Variants in GPR137B observed in about 807,000 individuals in gnomAD.
GPR137B encodes the protein G protein-coupled receptor 137B.
A neutral mutation model predicts 42.5 loss-of-function variants in GPR137B; 42 were observed. That is an observed-to-expected ratio of 0.99 (90% confidence interval 0.77 to 1.28). GPR137B has a LOEUF of 1.28. Among genes scored for constraint, GPR137B ranks in the 50% most tolerant of loss-of-function variants. The probability of loss-of-function intolerance (pLI) is 0.00; values close to 1 mark genes in which losing one functional copy is unlikely to be tolerated. For missense variants in GPR137B, 487 were observed against 493.9 expected (o/e 0.99, Z 0.13); for synonymous variants, 218 against 209.7 (o/e 1.04, Z -0.34).
chr1:236,158,927 C>T (rs1489229741), intron 1 of GPR137B, among the ~76,000 whole-genome samples: 1 of 152,158 alleles, frequency 6.6e-6, no homozygotes, highest in Non-Finnish European at 1.5e-5. Flanking sequence ...GAGACACTGC[C>T]TCCAGGGACA....
intron 1 of GPR137B, among the ~76,000 whole-genome samples, chr1:236,151,148 G>A (rs1661848641): frequency 6.6e-6 from 1 of 152,214 alleles, no homozygotes; most frequent in African/African-American, 2.4e-5. Context: ...TCTGGGTCCT[G>A]ACATTTTGGC....
intron 1 of GPR137B, among the ~76,000 whole-genome samples, chr1:236,164,581 C>T (rs983224401): frequency 7.2e-5 from 11 of 152,214 alleles, no homozygotes; most frequent in African/African-American, 2.2e-4. Flanking sequence ...GGACACCCAC[C>T]AGTCTTTAGC....
intron 2 of GPR137B, among the ~76,000 whole-genome samples, chr1:236,170,905 GGTGGAGATTGCAGTGT>G (rs907313076): frequency 6.6e-6 from 1 of 151,698 alleles, no homozygotes; most frequent in Non-Finnish European, 1.5e-5. Flanking sequence ...AAGCCTAAGG[GGTGGAGATTGCAGTGT>G]GTGGAGATCA....
At chr1:236,148,586 T>C (rs10802285) in intron 1 of GPR137B, among the ~76,000 whole-genome samples, 119,493 of 152,134 alleles carry the variant, frequency 0.79, 47,436 homozygotes, top group East Asian at 0.96. Context: ...GACGTCACCA[T>C]GCCTTGGAGG....
intron 5 of GPR137B, 76 bp from the exon 6 acceptor site, chr1:236,205,050 A>T: frequency 8.1e-7 from 1 of 1,236,590 alleles, no homozygotes; most frequent in Non-Finnish European, 1.2e-6. Context: ...AGTCTCCTAC[A>T]AGAAAGAGAT....
Position 236,178,400 on chromosome 1 carries a change from CT to C in GPR137B, c.465-13del. 6.4e-7 allele frequency: 1 copy of C among 1,560,988 alleles called. No homozygotes were observed. The highest frequency in any genetic ancestry group is 8.8e-7 in the Non-Finnish European group (1 of 1,132,790). ...TGGGATGTGCAGCTGACAAGTTGCT[CT>C]CATGCCTTCCAGGTTGCCCCTCTAC... On this transcript the variant is annotated splice_polypyrimidine_tract_variant and intron_variant, in intron 2 of 6. Transcript: ENST00000366592.
chr1:236,169,873 C>T (rs901565236), intron 2 of GPR137B, among the ~76,000 whole-genome samples: 21 of 151,884 alleles, frequency 1.4e-4, no homozygotes, highest in Non-Finnish European at 1.5e-5. Context: ...AACCCTGTCT[C>T]TACTAAAAAT....
chr1:236,201,699 CT>C (rs1663499028), intron 5 of GPR137B, among the ~76,000 whole-genome samples: 2 of 151,992 alleles, frequency 1.3e-5, no homozygotes, highest in Admixed American at 1.3e-4. Context: ...TGGTTTTCAC[CT>C]TTCTCTGGTA....
intron 1 of GPR137B, among the ~76,000 whole-genome samples, chr1:236,154,181 T>C (rs1476128552): frequency 1.3e-5 from 2 of 152,214 alleles, no homozygotes; most frequent in Admixed American, 1.3e-4. Context: ...CGTGTCCTCC[T>C]GGGCCCTGCT....
At chr1:236,143,198 T>G (rs531618743) in intron 1 of GPR137B, among the ~76,000 whole-genome samples, 162 bp downstream of exon 1, 1 of 152,330 alleles carries the variant, frequency 6.6e-6, no homozygotes, top group Admixed American at 6.5e-5. Flanking sequence ...CTGTCCTGTT[T>G]GCGGGCATTT....
In GPR137B at chr1:236,171,866, G is replaced by T. The variant is rs574532695; in HGVS notation, c.464+3111G>T. 1.3e-5 allele frequency among the ~76,000 whole-genome samples: 2 copies of T among 152,156 alleles called. No homozygotes were observed. Among genetic ancestry groups the T allele is most frequent in the East Asian group, 3.9e-4 (2 of 5,174 alleles). On this transcript the variant is annotated intron_variant, in intron 2 of 6. Coordinates refer to ENST00000366592, the MANE Select transcript of GPR137B (RefSeq NM_003272.4). The surrounding 1 kb of genome is among the most constrained non-coding windows in gnomAD (Gnocchi z 4.4). ...TTGAGACCATCCTGGCCAACATGGT[G>T]AAATCCCACTAAAAATACAAAAATT...
rs1662646142 is a variant in GPR137B, at chr1:236,175,047, C to A, written c.465-3367C>A. Among the ~76,000 whole-genome samples, 3 of 151,994 alleles carry A rather than the reference C, an allele frequency of 2.0e-5. No homozygotes were observed. The South Asian group carries it at 6.2e-4, about 32-fold the overall frequency. ...CATATTTTCTGAGGAAGAGTGTAGG[C>A]CAGGTGCAGTGGCTCTCAGCTGTAA... is the stretch of plus-strand genomic sequence containing the variant. On this transcript the variant is annotated intron_variant, in intron 2 of 6. Transcript: ENST00000366592.
intron 6 of GPR137B, among the ~76,000 whole-genome samples, chr1:236,205,943 A>G (rs1174786831): frequency 2.6e-5 from 4 of 152,266 alleles, no homozygotes; most frequent in Admixed American, 6.5e-5. Flanking sequence ...GAATCACTCA[A>G]TGGAACATGA....
At chr1:236,192,150 G>A (rs954939002) in intron 5 of GPR137B, among the ~76,000 whole-genome samples, 1 of 152,194 alleles carries the variant, frequency 6.6e-6, no homozygotes, top group African/African-American at 2.4e-5. Context: ...TCAAGCCTCA[G>A]CAATGGCGGA....
At chr1:236,154,377 T>C (rs1370497511) in intron 1 of GPR137B, among the ~76,000 whole-genome samples, 1 of 152,092 alleles carries the variant, frequency 6.6e-6, no homozygotes, top group Non-Finnish European at 1.5e-5. Flanking sequence ...GCATATATTG[T>C]GTCTTCCCCG....
intron 1 of GPR137B, among the ~76,000 whole-genome samples, chr1:236,161,813 G>A (rs1262223104): frequency 6.6e-6 from 1 of 152,032 alleles, no homozygotes; most frequent in Admixed American, 6.5e-5. Context: ...CCATGACTCT[G>A]AGGCCTCCCC....
At chr1:236,165,024 C>T (rs2102901021) in intron 1 of GPR137B, among the ~76,000 whole-genome samples, 1 of 152,242 alleles carries the variant, frequency 6.6e-6, no homozygotes, top group African/African-American at 2.4e-5. Flanking sequence ...GCTGCCTCAG[C>T]CTCCCAAGTA....
At chr1:236,162,507 T>C (rs1276517868) in intron 1 of GPR137B, among the ~76,000 whole-genome samples, 1 of 152,226 alleles carries the variant, frequency 6.6e-6, no homozygotes, top group Non-Finnish European at 1.5e-5. Context: ...CCCCAGGCCA[T>C]GTCAGAGACC....
intron 1 of GPR137B, among the ~76,000 whole-genome samples, chr1:236,161,499 G>T (rs528979571): frequency 2.1e-5 from 2 of 93,448 alleles, no homozygotes; most frequent in African/African-American, 6.5e-5. Context: ...ACCTCCTCAC[G>T]CCTCCCACTC....
Sources: allele counts gnomAD v4.1 joint callset (sites outside exome capture counted in the v4.1 genomes callset), GRCh38; gene constraint gnomAD v4.1.1; non-coding constraint Gnocchi (gnomAD v3.1); transcripts MANE v1.5; gene names NCBI Gene and HGNC (gene_info 2026-07-23, HGNC 2026-07-21).